The following DAOA variants were observed in gnomAD, a reference collection of about 807,000 sequenced individuals.
DAOA encodes the protein D-amino acid oxidase activator.
In DAOA, 15 loss-of-function variants were observed where a neutral mutation model predicts 16.4. The ratio of observed to expected loss-of-function variants is 0.91; its 90% CI spans 0.61 to 1.41. DAOA has a LOEUF of 1.41. Ranked by LOEUF, DAOA falls within the 40% of genes most tolerant of loss-of-function variation. DAOA has a pLI of 0.00. For synonymous variants in DAOA, 75 were observed against 59.1 expected, an observed-to-expected ratio of 1.27 and a Z score of -1.23; for missense variants, 230 against 176.8, an observed-to-expected ratio of 1.30 and a Z score of -1.71.
chr13:105,471,710 GTA>G (rs1311186843), intron 3 of DAOA, among the ~76,000 whole-genome samples: 3 of 152,136 alleles, frequency 2.0e-5, no homozygotes, highest in Non-Finnish European at 4.4e-5. Context: ...TCATCTACAG[GTA>G]AAACTGGTCG....
intron 4 of DAOA, among the ~76,000 whole-genome samples, chr13:105,489,157 C>G (rs916720154): frequency 1.3e-5 from 2 of 152,154 alleles, no homozygotes; most frequent in Non-Finnish European, 2.9e-5. Flanking sequence ...AACATCTGAG[C>G]TGGCTTTTAT....
Position 105,476,588 on chromosome 13 carries a change from G to A in DAOA, c.281+3903G>A, listed in dbSNP as rs574703243. Among the ~76,000 whole-genome samples, 18 of 150,828 alleles carry A rather than the reference G, an allele frequency of 1.2e-4. No individual in the cohort carries two copies. The South Asian group carries it at 3.8e-3, about 32-fold the overall frequency. On this transcript the variant is annotated intron_variant, in intron 4 of 5. Transcript: ENST00000375936. ...TCTCCCTCTCGGTGATTTATGATGT[G>A]GGTGTAAAAAATGAGGTGGGTATTT... is the stretch of plus-strand genomic sequence containing the variant.
At position 105,489,998 on chromosome 13, in the gene DAOA, G is replaced by C. The variant is rs747137269; in HGVS notation, c.379G>C (p.Glu127Gln). ...EASKDRRQPLERMWTCNYNQQ... is the reference protein window; with the variant it reads ...EASKDRRQPLQRMWTCNYNQQ... The stretch of plus-strand genomic sequence containing the variant: ...CTCTAAGGACCGCAGGCAGCCTCTA[G>C]AACGAATGTGGACCTGCAACTACAA... The change falls in exon 5 of 6, where the codon GAA becomes CAA. Residue 127 changes from glutamate (E) to glutamine (Q), a missense_variant. Coordinates refer to ENST00000375936, the MANE Select transcript of DAOA (RefSeq NM_172370.5). The C allele has an allele frequency of 6.2e-7, 1 of 1,612,916 alleles. No individual in the cohort carries two copies. Among genetic ancestry groups the C allele is most frequent in the Non-Finnish European group, 8.5e-7 (1 of 1,179,552 alleles).
At chr13:105,476,938 C>A (rs1056131218) in intron 4 of DAOA, among the ~76,000 whole-genome samples, 1 of 152,070 alleles carries the variant, frequency 6.6e-6, no homozygotes, top group African/African-American at 2.4e-5. Flanking sequence ...GTTTTCATAG[C>A]CCTCTGCAGC....
At chr13:105,481,272 C>T (rs1331216123) in intron 4 of DAOA, among the ~76,000 whole-genome samples, 1 of 152,114 alleles carries the variant, frequency 6.6e-6, no homozygotes, top group Non-Finnish European at 1.5e-5. Context: ...TCATTTATTA[C>T]TCCCAAGAAG....
At chr13:105,485,824 G>C (rs1422935164) in intron 4 of DAOA, among the ~76,000 whole-genome samples, 1 of 152,172 alleles carries the variant, frequency 6.6e-6, no homozygotes, top group African/African-American at 2.4e-5. Flanking sequence ...AGCAACACTG[G>C]AAGCTAAGAG....
intron 4 of DAOA, among the ~76,000 whole-genome samples, chr13:105,485,487 A>G (rs1878041942): frequency 1.3e-5 from 2 of 152,174 alleles, no homozygotes; most frequent in South Asian, 4.1e-4. Context: ...AAACCTTTAC[A>G]TGGTTTCTTT....
In DAOA at chr13:105,467,072, A is replaced by G; in HGVS notation, c.64A>G (p.Lys22Glu). 1.2e-6 allele frequency: 2 copies of G among 1,611,412 alleles called. No individual in the cohort carries two copies. Among genetic ancestry groups the G allele is most frequent in the Middle Eastern group, 1.7e-4 (1 of 6,050 alleles). Residue 22 changes from lysine (K) to glutamate (E), a missense_variant, in exon 3 of 6, where the codon AAA becomes GAA. Coordinates refer to ENST00000375936, the MANE Select transcript of DAOA (RefSeq NM_172370.5). ...QLFRSRYTLG[K>E]IYFIGFQRSI... is the part of the protein sequence containing the mutation. The stretch of plus-strand genomic sequence containing the variant: ...TTTTAGATCCAGATATACATTGGGT[A>G]AAATCTACTTCATAGGTTTTCAAAG...
At chr13:105,466,916 G>T in intron 2 of DAOA, 137 bp from the exon 3 acceptor site, 1 of 1,147,772 alleles carries the variant, frequency 8.7e-7, no homozygotes. Flanking sequence ...AGACGTATTT[G>T]GCTGAATAGT....
chr13:105,488,498 A>T (rs551222441), intron 4 of DAOA, among the ~76,000 whole-genome samples: 2 of 152,324 alleles, frequency 1.3e-5, no homozygotes, highest in East Asian at 3.9e-4. Flanking sequence ...GGCACATAAC[A>T]TCTTACGTAT....
intron 4 of DAOA, among the ~76,000 whole-genome samples, chr13:105,477,638 C>A (rs908867445): frequency 4.6e-5 from 7 of 152,122 alleles, no homozygotes; most frequent in African/African-American, 1.4e-4. Context: ...GAGGGAGGAT[C>A]CCTTGAACCC....
chr13:105,469,222 T>G (rs571472393), intron 3 of DAOA, among the ~76,000 whole-genome samples: 1 of 152,280 alleles, frequency 6.6e-6, no homozygotes, highest in East Asian at 1.9e-4. Flanking sequence ...AGAATTTTCC[T>G]TATGTTCTCT....
chr13:105,482,694 G>T (rs1007202718), intron 4 of DAOA, among the ~76,000 whole-genome samples: 23 of 152,000 alleles, frequency 1.5e-4, no homozygotes, highest in African/African-American at 5.3e-4. Context: ...TTTTAGTAGA[G>T]ACAGGGTTTC....
intron 2 of DAOA, 138 bp downstream of exon 2, chr13:105,466,470 T>G: frequency 7.1e-7 from 1 of 1,405,266 alleles, no homozygotes; most frequent in Non-Finnish European, 9.7e-7. Context: ...GAGCCCAGTA[T>G]ATGGTTCAGC....
chr13:105,476,760 G>A (rs1877369459), intron 4 of DAOA, among the ~76,000 whole-genome samples: 1 of 151,722 alleles, frequency 6.6e-6, no homozygotes. Flanking sequence ...TAGAGTACCT[G>A]GTGAGTACTC....
intron 4 of DAOA, among the ~76,000 whole-genome samples, chr13:105,478,388 T>C (rs545755809): frequency 6.6e-6 from 1 of 152,332 alleles, no homozygotes; most frequent in East Asian, 1.9e-4. Flanking sequence ...AAACCTGTAC[T>C]AATTTTCCAA....
At chr13:105,467,729 C>CTTTTTT (rs200744980) in intron 3 of DAOA, 1 of 127,112 alleles carries the variant, frequency 7.9e-6, no homozygotes, top group Non-Finnish European at 1.6e-5. Context: ...GAAGGTGATC[C>CTTTTTT]TTTTTTTTTT....
intron 4 of DAOA, among the ~76,000 whole-genome samples, chr13:105,479,312 T>C (rs929230092): frequency 5.9e-5 from 9 of 152,224 alleles, no homozygotes; most frequent in African/African-American, 1.7e-4. Context: ...CCTATCATTA[T>C]TGTCTGTGAT....
chr13:105,485,776 A>C lies in DAOA; in HGVS notation c.282-4125A>C, dbSNP rs1032653633. On this transcript the variant is annotated intron_variant, in intron 4 of 5. Transcript: ENST00000375936. ...TACAGGAAGAACACCGTGATGATGG[A>C]GTGATATTCCAACAAGCAAGGAGCT... Among the ~76,000 whole-genome samples, 10 of 152,286 alleles carry C rather than the reference A, an allele frequency of 6.6e-5. No individual in the cohort carries two copies. The South Asian group carries it at 1.2e-3, about 19-fold the overall frequency.
Sources: allele counts gnomAD v4.1 joint callset (sites outside exome capture counted in the v4.1 genomes callset), GRCh38; gene constraint gnomAD v4.1.1; transcripts MANE v1.5; gene names NCBI Gene and HGNC (gene_info 2026-07-23, HGNC 2026-07-21).